MTURN: variants seen among roughly 807,000 people sequenced by gnomAD.
MTURN encodes maturin.
A neutral mutation model predicts 14.9 loss-of-function variants in MTURN; 7 were observed. The ratio of observed to expected loss-of-function variants is 0.47; its 90% CI spans 0.27 to 0.88. MTURN has a LOEUF of 0.88. MTURN is among the 40% of genes least tolerant of loss of function. The probability of loss-of-function intolerance (pLI) is 0.14; values close to 1 mark genes in which losing one functional copy is unlikely to be tolerated. For missense variants in MTURN, 151 were observed against 174.1 expected (o/e 0.87, Z 0.75); for synonymous variants, 69 against 72.5 (o/e 0.95, Z 0.25).
Position 30,162,227 on chromosome 7 carries a change from T to TA in MTURN, c.*4682dup, listed in dbSNP as rs1363145757. 1 of 152,212 alleles carries TA rather than the reference T, an allele frequency of 6.6e-6. No individual in the cohort carries two copies. Among genetic ancestry groups the TA allele is most frequent in the Non-Finnish European group, 1.5e-5 (1 of 68,046 alleles). The allele number at this position is 152,212 out of a possible 1,614,324, so 9.4% of individuals were successfully genotyped here. On this transcript the variant is annotated 3_prime_UTR_variant, in exon 3 of 3. Coordinates refer to ENST00000324453, the MANE Select transcript of MTURN (RefSeq NM_152793.3). ...CAGAAAGCTGACAGTCTGTTCTTTG[T>TA]AAACTGCCTTTCCCTGTTTTTCTGT... is the stretch of plus-strand genomic sequence containing the variant.
At chr7:30,146,326 C>T (rs1377988102) in intron 2 of MTURN, 27 bp downstream of exon 2, 1 of 1,612,496 alleles carries the variant, frequency 6.2e-7, no homozygotes, top group Non-Finnish European at 8.5e-7. Flanking sequence ...CTTCTCACCA[C>T]AGCTTGTTTT....
rs1360908299 is a variant in MTURN, at chr7:30,160,438, G to A, written c.*2890G>A. The A allele has an allele frequency of 6.6e-6, 1 of 152,360 alleles. No individual in the cohort carries two copies. Among genetic ancestry groups the A allele is most frequent in the Non-Finnish European group, 1.5e-5 (1 of 68,160 alleles). 9.4% of individuals were successfully genotyped at this position (152,360 alleles called of 1,614,324 possible). On this transcript the variant is annotated 3_prime_UTR_variant, in exon 3 of 3. Coordinates refer to ENST00000324453, the MANE Select transcript of MTURN (RefSeq NM_152793.3). ...TGTGGCAGACTGGGGCTTTGGAAGT[G>A]GTGTATGTTTAACTTACCTGAGAGT...
chr7:30,138,069 A>G (rs1304179362), intron 1 of MTURN, among the ~76,000 whole-genome samples: 3 of 152,088 alleles, frequency 2.0e-5, no homozygotes, highest in Non-Finnish European at 4.4e-5. Flanking sequence ...AGCTCCCCGT[A>G]TTTGTGTGCC....
chr7:30,147,000 C>T (rs1797140430), intron 2 of MTURN, among the ~76,000 whole-genome samples: 1 of 152,222 alleles, frequency 6.6e-6, no homozygotes, highest in Admixed American at 6.5e-5. Flanking sequence ...ATTCCCTGCC[C>T]ACTGTAAATA....
At chr7:30,147,957 A>G (rs1797152506) in intron 2 of MTURN, among the ~76,000 whole-genome samples, 1 of 152,258 alleles carries the variant, frequency 6.6e-6, no homozygotes, top group Non-Finnish European at 1.5e-5. Context: ...CCCACTGGGT[A>G]CATGGCACTG....
chr7:30,154,490 C>T (rs576466411), intron 2 of MTURN, among the ~76,000 whole-genome samples: 3 of 152,292 alleles, frequency 2.0e-5, no homozygotes, highest in East Asian at 1.9e-4. Context: ...CATCACATCA[C>T]GTGTAGTTAC....
In MTURN at chr7:30,157,670, A is replaced by T; in HGVS notation, c.*122A>T. On this transcript the variant is annotated 3_prime_UTR_variant, in exon 3 of 3. Coordinates refer to ENST00000324453, the MANE Select transcript of MTURN (RefSeq NM_152793.3). ...ATAGGACATCTGGCTCCCAGCATCC[A>T]AATTAAAATGAAATACCTTTTTAAC... 1.7e-6 allele frequency: 1 copy of T among 586,350 alleles called. No homozygotes were observed. The highest frequency in any genetic ancestry group is 2.8e-6 in the Non-Finnish European group (1 of 351,124). 36.3% of individuals were successfully genotyped at this position (586,350 alleles called of 1,614,324 possible). A position where few individuals can be genotyped will look rare whatever the true frequency, so the allele number is the denominator to read the frequency against.
At position 30,143,983 on chromosome 7, in the gene MTURN, G is replaced by A. The variant is rs571528671; in HGVS notation, c.163-2194G>A. On this transcript the variant is annotated intron_variant, in intron 1 of 2. Coordinates refer to ENST00000324453, the MANE Select transcript of MTURN (RefSeq NM_152793.3). ...AGGTGCACCTGCTTCTGAATTAACC[G>A]CAACCTGAGTTGCCTCAGGCAGTGC... Among the ~76,000 whole-genome samples, 12 of 152,326 alleles carry A rather than the reference G, an allele frequency of 7.9e-5. No individual in the cohort carries two copies. The East Asian group carries it at 1.2e-3, about 15-fold the overall frequency.
intron 2 of MTURN, among the ~76,000 whole-genome samples, chr7:30,155,710 A>C (rs1231157438): frequency 6.6e-6 from 1 of 152,210 alleles, no homozygotes; most frequent in African/African-American, 2.4e-5. Flanking sequence ...CCACAGGCAG[A>C]GTGTGACCAA....
intron 1 of MTURN, among the ~76,000 whole-genome samples, chr7:30,143,938 T>C (rs534998492): frequency 6.6e-6 from 1 of 152,386 alleles, no homozygotes; most frequent in South Asian, 2.1e-4. Flanking sequence ...TTTAACAAAG[T>C]AGGTTTACAA....
chr7:30,140,415 G>GTGTATATATATATA (rs33952294), intron 1 of MTURN, among the ~76,000 whole-genome samples: 3 of 143,732 alleles, frequency 2.1e-5, no homozygotes, highest in African/African-American at 5.1e-5. Flanking sequence ...GTGTGTGTGT[G>GTGTATATATATATA]TATCCCCATT....
At position 30,145,070 on chromosome 7, in the gene MTURN, A is replaced by G. The variant is rs1797109920; in HGVS notation, c.163-1107A>G. On this transcript the variant is annotated intron_variant, in intron 1 of 2. Transcript: ENST00000324453. ...CCTGACTTGCTTAGATATGCAGGGCAGGGTATTCTGCATTAAGAATGCTCA... is the reference window on the plus strand; with the variant it reads ...CCTGACTTGCTTAGATATGCAGGGCGGGGTATTCTGCATTAAGAATGCTCA... Among the ~76,000 whole-genome samples the G allele has an allele frequency of 2.0e-5, 3 of 151,910 alleles. No homozygotes were observed. The South Asian group carries it at 6.2e-4, about 32-fold the overall frequency.
At chr7:30,139,603 G>A (rs1472147385) in intron 1 of MTURN, among the ~76,000 whole-genome samples, 3 of 152,144 alleles carry the variant, frequency 2.0e-5, no homozygotes, top group Non-Finnish European at 2.9e-5. Flanking sequence ...ATTCATCCAG[G>A]ACTGTACCAC....
chr7:30,145,856 T>G, intron 1 of MTURN: 1 of 1,549,804 alleles, frequency 6.5e-7, no homozygotes, highest in South Asian at 1.2e-5. Flanking sequence ...AAAACCGCCC[T>G]TAGCCTGCAC....
At chr7:30,151,484 A>G (rs1303983698) in intron 2 of MTURN, among the ~76,000 whole-genome samples, 1 of 152,214 alleles carries the variant, frequency 6.6e-6, no homozygotes, top group African/African-American at 2.4e-5. Context: ...TTTTATATTT[A>G]GTGTCAACTG....
intron 2 of MTURN, among the ~76,000 whole-genome samples, chr7:30,150,254 A>C (rs1397097749): frequency 6.6e-6 from 1 of 152,234 alleles, no homozygotes; most frequent in Non-Finnish European, 1.5e-5. Context: ...GATACTAGAC[A>C]AAATACTGTG....
intron 1 of MTURN, among the ~76,000 whole-genome samples, chr7:30,140,066 C>T (rs1797025029): frequency 6.6e-6 from 1 of 152,094 alleles, no homozygotes; most frequent in African/African-American, 2.4e-5. Context: ...CACTTGGATG[C>T]CAGATAAACA....
At chr7:30,141,769 C>T (rs995572619) in intron 1 of MTURN, among the ~76,000 whole-genome samples, 3 of 152,172 alleles carry the variant, frequency 2.0e-5, no homozygotes, top group Non-Finnish European at 2.9e-5. Context: ...GCAGCTCTTC[C>T]GCCTTGGCCT....
chr7:30,137,986 C>G (rs766679202), intron 1 of MTURN, among the ~76,000 whole-genome samples: 3 of 152,206 alleles, frequency 2.0e-5, no homozygotes, highest in Non-Finnish European at 4.4e-5. Flanking sequence ...GCAATTTTTA[C>G]TTGTCTAGGA....
Sources: gnomAD v4.1 joint callset for allele counts (sites outside exome capture counted in the v4.1 genomes callset) on GRCh38, gnomAD v4.1.1 for gene constraint, MANE v1.5 for transcripts, NCBI Gene and HGNC (gene_info 2026-07-23, HGNC 2026-07-21) for gene names.